The following SNTB1 variants were observed in gnomAD, a reference collection of about 807,000 sequenced individuals.
SNTB1 encodes syntrophin beta 1, also known as beta-1-syntrophin.
Under a neutral mutation model 48.9 loss-of-function variants are expected in SNTB1, and 36 were observed. That is an observed-to-expected ratio of 0.74 (90% CI 0.56 to 0.97). SNTB1 has a LOEUF of 0.97. SNTB1 is among the 50% of genes least tolerant of loss of function. The pLI is 0.00. For missense variants in SNTB1, 786 were observed against 703.4 expected, an observed-to-expected ratio of 1.12 and a Z score of -1.33; for synonymous variants, 299 against 294.6, an observed-to-expected ratio of 1.01 and a Z score of -0.15.
At chr8:120,715,400 C>T (rs1180654086) in intron 1 of SNTB1, among the ~76,000 whole-genome samples, 1 of 152,032 alleles carries the variant, frequency 6.6e-6, no homozygotes, top group African/African-American at 2.4e-5. Flanking sequence ...TGGTTCTCAT[C>T]AAAAAGTGAG....
intron 1 of SNTB1, among the ~76,000 whole-genome samples, chr8:120,783,029 A>ATAAT (rs1165873389): frequency 6.6e-6 from 1 of 152,222 alleles, no homozygotes; most frequent in Non-Finnish European, 1.5e-5. Flanking sequence ...TAGTTGGTCT[A>ATAAT]TAATATGCAA....
intron 2 of SNTB1, among the ~76,000 whole-genome samples, chr8:120,687,298 C>G (rs552515564): frequency 6.6e-6 from 1 of 152,262 alleles, no homozygotes; most frequent in East Asian, 1.9e-4. Context: ...CTTCAAGGAG[C>G]CTAGAATGAA....
chr8:120,663,773 G>T (rs1817629796), intron 2 of SNTB1, among the ~76,000 whole-genome samples: 1 of 152,162 alleles, frequency 6.6e-6, no homozygotes, highest in Non-Finnish European at 1.5e-5. Flanking sequence ...GATTGGAGAA[G>T]ACAGAGACGG....
intron 1 of SNTB1, among the ~76,000 whole-genome samples, chr8:120,798,993 G>A (rs1477744828): frequency 6.6e-6 from 1 of 152,016 alleles, no homozygotes; most frequent in African/African-American, 2.4e-5. Flanking sequence ...AGTACACACA[G>A]CCCTCATAGA....
At chr8:120,673,699 C>T (rs4077726) in intron 2 of SNTB1, among the ~76,000 whole-genome samples, 84,746 of 151,530 alleles carry the variant, frequency 0.56, 26,807 homozygotes, top group African/African-American at 0.88. Context: ...TCTTGCTCTA[C>T]TATGACTGGT....
chr8:120,637,694 A>G, intron 2 of SNTB1: 1 of 415,844 alleles, frequency 2.4e-6, no homozygotes, highest in South Asian at 1.9e-5. Flanking sequence ...GATCCCATTC[A>G]TGGCTGCACT....
At chr8:120,607,381 TTTTTC>T (rs1816541746) in intron 3 of SNTB1, among the ~76,000 whole-genome samples, 1 of 152,236 alleles carries the variant, frequency 6.6e-6, no homozygotes, top group Admixed American at 6.5e-5. Context: ...CTTTTCTTTT[TTTTTC>T]TTTTCTTTTT....
intron 1 of SNTB1, among the ~76,000 whole-genome samples, chr8:120,710,582 G>A (rs1473470026): frequency 2.0e-5 from 3 of 152,200 alleles, no homozygotes; most frequent in Non-Finnish European, 2.9e-5. Context: ...TAGGTCACGA[G>A]GGTTCTGCCC....
chr8:120,650,374 G>A (rs1817392819), intron 2 of SNTB1, among the ~76,000 whole-genome samples: 1 of 152,244 alleles, frequency 6.6e-6, no homozygotes, highest in Non-Finnish European at 1.5e-5. Context: ...GGGCTGATCT[G>A]ACAAAACTTT....
chr8:120,806,544 T>C (rs1008374190), intron 1 of SNTB1, among the ~76,000 whole-genome samples: 5 of 152,230 alleles, frequency 3.3e-5, no homozygotes, highest in Non-Finnish European at 7.3e-5. Flanking sequence ...AAACTTAAAG[T>C]AGAGTTAGGC....
chr8:120,678,446 G>A (rs1203297325), intron 2 of SNTB1, among the ~76,000 whole-genome samples: 1 of 152,144 alleles, frequency 6.6e-6, no homozygotes, highest in Admixed American at 6.5e-5. Flanking sequence ...AAGCTGCCCT[G>A]TTCTCTCCCT....
chr8:120,644,273 T>C (rs963046120), intron 2 of SNTB1, among the ~76,000 whole-genome samples: 20 of 150,840 alleles, frequency 1.3e-4, no homozygotes, highest in African/African-American at 4.9e-4. Flanking sequence ...TAACTCGTCA[T>C]CTAGCATTAG....
intron 1 of SNTB1, among the ~76,000 whole-genome samples, chr8:120,717,068 A>T (rs1309169488): frequency 6.6e-6 from 1 of 152,222 alleles, no homozygotes; most frequent in African/African-American, 2.4e-5. Context: ...CGCTCCAGGC[A>T]TTCTTGCAGA....
chr8:120,751,129 G>A (rs1453578349), intron 1 of SNTB1, among the ~76,000 whole-genome samples: 4 of 152,178 alleles, frequency 2.6e-5, no homozygotes, highest in Admixed American at 2.6e-4. Flanking sequence ...TGATGGAGGA[G>A]AGATGATGAA....
At chr8:120,595,590 C>CT (rs1239808944) in intron 3 of SNTB1, among the ~76,000 whole-genome samples, 50 of 146,024 alleles carry the variant, frequency 3.4e-4, no homozygotes, top group African/African-American at 6.5e-4. Context: ...CCTCTAATTT[C>CT]TTTTTTTTTT....
chr8:120,718,557 A>C (rs1290043575), intron 1 of SNTB1, among the ~76,000 whole-genome samples: 1 of 152,160 alleles, frequency 6.6e-6, no homozygotes, highest in East Asian at 1.9e-4. Context: ...GACCTATAGT[A>C]TATGGACCTC....
intron 4 of SNTB1, among the ~76,000 whole-genome samples, chr8:120,550,853 T>C (rs1054886691): frequency 3.3e-5 from 5 of 152,194 alleles, no homozygotes; most frequent in African/African-American, 1.2e-4. Flanking sequence ...AGAAAAGGTA[T>C]CTACAAGGAG....
intron 1 of SNTB1, among the ~76,000 whole-genome samples, chr8:120,710,062 A>G (rs1372272114): frequency 2.6e-5 from 4 of 152,196 alleles, no homozygotes; most frequent in Non-Finnish European, 5.9e-5. Context: ...CAAGTTATCC[A>G]TATCCTCACT....
intron 3 of SNTB1, among the ~76,000 whole-genome samples, chr8:120,607,441 A>G (rs941630284): frequency 6.6e-6 from 1 of 151,862 alleles, no homozygotes; most frequent in African/African-American, 2.4e-5. Flanking sequence ...GTTTTAGGGT[A>G]CATGTGCACA....
Sources: allele counts gnomAD v4.1 joint callset (sites outside exome capture counted in the v4.1 genomes callset), GRCh38; gene constraint gnomAD v4.1.1; transcripts MANE v1.5; gene names NCBI Gene and HGNC (gene_info 2026-07-23, HGNC 2026-07-21).